The following XIRP2 variants were observed in gnomAD, a reference collection of about 807,000 sequenced individuals.
The protein encoded by XIRP2 is xin actin-binding repeat-containing protein 2.
Under a neutral mutation model 277.0 loss-of-function variants are expected in XIRP2, and 236 were observed. The ratio of observed to expected loss-of-function variants is 0.85; its 90% CI spans 0.77 to 0.95. The LOEUF (loss-of-function observed/expected upper bound fraction) is 0.95. Ranked by LOEUF, XIRP2 falls within the 40% of genes least tolerant of loss-of-function variation. The pLI is 0.00. For missense variants in XIRP2, 4,640 were observed against 4,157.5 expected, an observed-to-expected ratio of 1.12 and a Z score of -3.19; for synonymous variants, 1,490 against 1,416.5, an observed-to-expected ratio of 1.05 and a Z score of -1.17.
chr2:167,159,521 T>A (rs74271042), intron 3 of XIRP2, among the ~76,000 whole-genome samples: 15,006 of 152,220 alleles, frequency 0.099, 786 homozygotes, highest in South Asian at 0.15. Flanking sequence ...AAGAATAAAT[T>A]ATTTTCTCTT....
At position 166,916,464 on chromosome 2, in the gene XIRP2, T is replaced by A. The variant is rs1399208019; in HGVS notation, c.408+12574T>A. Among the ~76,000 whole-genome samples the A allele has an allele frequency of 2.0e-5, 3 of 152,158 alleles. No homozygotes were observed. In the East Asian group the frequency reaches 5.8e-4, roughly 29 times the overall value. ...AAGCATTTAACAGGACAGAAGTTAT[T>A]AGAATCTTGAAAATGATTACTGAAA... On this transcript the variant is annotated intron_variant, in intron 2 of 10. Transcript: ENST00000409195.
Position 167,247,587 on chromosome 2 carries a change from GACTGAT to G in XIRP2, c.6199_6204del (p.Asp2067_Thr2068del), listed in dbSNP as rs751361892. 17 of 1,613,574 alleles carry G rather than the reference GACTGAT, an allele frequency of 1.1e-5. No homozygotes were observed. Among genetic ancestry groups the G allele is most frequent in the Non-Finnish European group, 1.4e-5 (17 of 1,179,770 alleles). Reference sequence around the variant, plus strand: ...AATCAGGAGACAAAACGGGTGTCTGGACTGATACTACAGGAGAACAGCATCTTAGAG... The same window carrying G: ...AATCAGGAGACAAAACGGGTGTCTGGACTACAGGAGAACAGCATCTTAGAG... On this transcript the variant is annotated inframe_deletion, in exon 9 of 11. Transcript: ENST00000409195.
At chr2:167,028,101 T>C (rs1688225810) in intron 2 of XIRP2, among the ~76,000 whole-genome samples, 1 of 152,042 alleles carries the variant, frequency 6.6e-6, no homozygotes. Context: ...CAAAAACTAT[T>C]CCAAGTAATC....
At chr2:166,913,223 CA>C (rs1684762038) in intron 2 of XIRP2, among the ~76,000 whole-genome samples, 1 of 152,132 alleles carries the variant, frequency 6.6e-6, no homozygotes, top group East Asian at 1.9e-4. Flanking sequence ...CAGAGGCAGG[CA>C]GGCCTCCTTG....
chr2:167,095,997 C>G (rs1690304370), intron 2 of XIRP2, among the ~76,000 whole-genome samples: 1 of 150,674 alleles, frequency 6.6e-6, no homozygotes, highest in Admixed American at 6.6e-5. Context: ...CCTCTGCCTC[C>G]CAAGTAGCTG....
At chr2:167,038,454 A>G (rs532032282) in intron 2 of XIRP2, among the ~76,000 whole-genome samples, 2 of 150,846 alleles carry the variant, frequency 1.3e-5, no homozygotes, top group South Asian at 2.1e-4. Flanking sequence ...AACTATTACA[A>G]TCCATGAAGT....
rs1695219653 is a variant in XIRP2, at chr2:167,245,424, T to C, written c.4032T>C (p.His1344=). 26 of 1,613,440 alleles carry C rather than the reference T, an allele frequency of 1.6e-5. No individual in the cohort carries two copies. Among genetic ancestry groups the C allele is most frequent in the African/African-American group, 2.7e-5 (2 of 74,822 alleles). Residue 1344 remains histidine, a synonymous_variant, in exon 9 of 11, where the codon CAT becomes CAC. Transcript: ENST00000409195. ...VTTVKKEEVI[H]GDVRGTRWLF... is the part of the protein sequence containing the mutation. ...CAGTTAAAAAAGAAGAGGTAATTCA[T>C]GGAGATGTGCGAGGAACAAGGTGGC...
At chr2:167,164,445 CAAAAAAAA>C (rs36066566) in intron 3 of XIRP2, among the ~76,000 whole-genome samples, 1 of 46,642 alleles carries the variant, frequency 2.1e-5, no homozygotes, top group Admixed American at 2.6e-4. Context: ...GACTCCGTCT[CAAAAAAAA>C]AAAAAAAAAA....
chr2:167,254,655 T>C (rs983081838), intron 10 of XIRP2, among the ~76,000 whole-genome samples: 18 of 151,846 alleles, frequency 1.2e-4, no homozygotes, highest in African/African-American at 4.3e-4. Flanking sequence ...CAATAAAACT[T>C]CATATACCAA....
chr2:167,103,371 G>C (rs1415669009), intron 2 of XIRP2, among the ~76,000 whole-genome samples: 1 of 152,102 alleles, frequency 6.6e-6, no homozygotes, highest in Non-Finnish European at 1.5e-5. Flanking sequence ...GTGCATAAAG[G>C]CCTGTCAGAG....
intron 2 of XIRP2, among the ~76,000 whole-genome samples, chr2:166,917,134 A>C (rs1191415225): frequency 6.6e-6 from 1 of 152,198 alleles, no homozygotes; most frequent in Non-Finnish European, 1.5e-5. Flanking sequence ...CTAAAAGTGG[A>C]AAGAAGCTTT....
intron 2 of XIRP2, among the ~76,000 whole-genome samples, chr2:167,019,081 G>A (rs1477828145): frequency 6.6e-6 from 1 of 151,978 alleles, no homozygotes; most frequent in Non-Finnish European, 1.5e-5. Flanking sequence ...TAGGTTAGAT[G>A]CTGAGAAATC....
intron 3 of XIRP2, among the ~76,000 whole-genome samples, chr2:167,177,067 C>T (rs779940602): frequency 3.9e-5 from 6 of 152,132 alleles, no homozygotes; most frequent in Admixed American, 6.5e-5. Flanking sequence ...GGTGGGCAGG[C>T]GTAGATCTTC....
At chr2:167,084,815 A>G (rs1447916253) in intron 2 of XIRP2, among the ~76,000 whole-genome samples, 3 of 149,910 alleles carry the variant, frequency 2.0e-5, no homozygotes, top group Non-Finnish European at 3.0e-5. Flanking sequence ...TATTGTGTCT[A>G]TTTGATTCTT....
At chr2:167,184,935 A>ATAT (rs1693114878) in intron 3 of XIRP2, among the ~76,000 whole-genome samples, 1 of 152,126 alleles carries the variant, frequency 6.6e-6, no homozygotes, top group Non-Finnish European at 1.5e-5. Flanking sequence ...ACAAGGGATC[A>ATAT]CCTTATGAAT....
chr2:167,221,540 G>A lies in XIRP2; in HGVS notation c.858+3240G>A, dbSNP rs530966694. 2.0e-5 allele frequency among the ~76,000 whole-genome samples: 3 copies of A among 151,194 alleles called. No homozygotes were observed. The South Asian group carries it at 6.3e-4, about 32-fold the overall frequency. Reference sequence around the variant, plus strand: ...TGGCCTTAATTTGTAATCCTTATTGGAAAATTGAGATAAATGTCAAATTTG... The same window carrying A: ...TGGCCTTAATTTGTAATCCTTATTGAAAAATTGAGATAAATGTCAAATTTG... On this transcript the variant is annotated intron_variant, in intron 5 of 10. Coordinates refer to ENST00000409195, the MANE Select transcript of XIRP2 (RefSeq NM_152381.6).
intron 2 of XIRP2, among the ~76,000 whole-genome samples, chr2:166,977,722 G>A (rs1686751943): frequency 6.6e-6 from 1 of 152,182 alleles, no homozygotes; most frequent in East Asian, 1.9e-4. Context: ...CAAAGATGGA[G>A]AGGGGAATAA....
intron 3 of XIRP2, among the ~76,000 whole-genome samples, chr2:167,137,582 C>A (rs1691591296): frequency 1.3e-5 from 2 of 152,152 alleles, no homozygotes; most frequent in Admixed American, 1.3e-4. Context: ...TCTGTGTTTT[C>A]TTTGATTTCC....
chr2:166,924,272 A>T (rs1372155670), intron 2 of XIRP2, among the ~76,000 whole-genome samples: 1 of 152,014 alleles, frequency 6.6e-6, no homozygotes, highest in Non-Finnish European at 1.5e-5. Flanking sequence ...TGAGGATTTA[A>T]CAAGTGTGGG....
Sources: allele counts gnomAD v4.1 joint callset (sites outside exome capture counted in the v4.1 genomes callset), GRCh38; gene constraint gnomAD v4.1.1; transcripts MANE v1.5; gene names NCBI Gene and HGNC (gene_info 2026-07-23, HGNC 2026-07-21).